Variants in SGMS2 observed in about 807,000 individuals in gnomAD.
SGMS2 encodes the protein sphingomyelin synthase 2, also known as phosphatidylcholine:ceramide cholinephosphotransferase 2.
A neutral mutation model predicts 43.8 loss-of-function variants in SGMS2; 21 were observed. The ratio of observed to expected loss-of-function variants is 0.48; its 90% CI spans 0.34 to 0.69. The LOEUF is 0.69. SGMS2 is among the 30% of genes least tolerant of loss of function. The pLI, the probability that SGMS2 is intolerant of heterozygous loss-of-function variation, is 0.01. For missense variants in SGMS2, 384 were observed against 443.2 expected, an observed-to-expected ratio of 0.87 and a Z score of 1.20; for synonymous variants, 167 against 160.6, an observed-to-expected ratio of 1.04 and a Z score of -0.30.
At chr4:107,851,353 T>G (rs1727133751) in intron 1 of SGMS2, among the ~76,000 whole-genome samples, 2 of 152,164 alleles carry the variant, frequency 1.3e-5, no homozygotes, top group Non-Finnish European at 2.9e-5. Flanking sequence ...TTAGAAATCT[T>G]AAGAACAAGG....
chr4:107,903,595 A>G (rs1348296953), intron 5 of SGMS2, among the ~76,000 whole-genome samples: 1 of 152,122 alleles, frequency 6.6e-6, no homozygotes, highest in African/African-American at 2.4e-5. Context: ...GTCATATGTG[A>G]TTTGAACCCT....
At position 107,910,761 on chromosome 4, in the gene SGMS2, C is replaced by T. The variant is rs775834154; in HGVS notation, c.*208C>T. 7 of 533,928 alleles carry T rather than the reference C, an allele frequency of 1.3e-5. No individual in the cohort carries two copies. Among genetic ancestry groups the T allele is most frequent in the African/African-American group, 1.9e-5 (1 of 52,344 alleles). 33.1% of individuals were successfully genotyped at this position (533,928 alleles called of 1,614,324 possible). ...AAAGATACATTCTCTTGCAGCTCTT[C>T]ATTCATTGGTGACAAGCCCCCACCC... On this transcript the variant is annotated 3_prime_UTR_variant, in exon 7 of 7. Coordinates refer to ENST00000690982, the MANE Select transcript of SGMS2 (RefSeq NM_001375905.1).
chr4:107,849,707 T>C (rs1727031096), intron 1 of SGMS2, among the ~76,000 whole-genome samples: 1 of 152,204 alleles, frequency 6.6e-6, no homozygotes, highest in African/African-American at 2.4e-5. Context: ...CCAGATCTCC[T>C]AATTGTAATA....
chr4:107,908,503 A>G, intron 5 of SGMS2, 62 bp from the exon 6 acceptor site: 2 of 1,514,548 alleles, frequency 1.3e-6, no homozygotes, highest in Non-Finnish European at 1.8e-6. Flanking sequence ...GTTAGGACAG[A>G]CTGTAATCAT....
intron 1 of SGMS2, among the ~76,000 whole-genome samples, chr4:107,855,154 C>T (rs1470532420): frequency 6.6e-6 from 1 of 152,072 alleles, no homozygotes; most frequent in African/African-American, 2.4e-5. Flanking sequence ...GGTGCTGTTT[C>T]TGATGTCTTT....
At chr4:107,865,761 T>A (rs1728064754) in intron 2 of SGMS2, among the ~76,000 whole-genome samples, 1 of 152,182 alleles carries the variant, frequency 6.6e-6, no homozygotes, top group Non-Finnish European at 1.5e-5. Context: ...AGCTCTTCAT[T>A]AAGATCTTAT....
intron 1 of SGMS2, among the ~76,000 whole-genome samples, chr4:107,855,407 T>C (rs11946132): frequency 6.6e-6 from 1 of 152,196 alleles, no homozygotes; most frequent in African/African-American, 2.4e-5. Context: ...TTCATTTATT[T>C]TGAGAAATGT....
chr4:107,834,022 A>G (rs1188912536), intron 1 of SGMS2, among the ~76,000 whole-genome samples: 4 of 152,220 alleles, frequency 2.6e-5, no homozygotes, highest in Non-Finnish European at 5.9e-5. Flanking sequence ...TGACACTGTG[A>G]TGTTTAGCTC....
chr4:107,860,243 G>A (rs1727649574), intron 2 of SGMS2, among the ~76,000 whole-genome samples: 1 of 151,910 alleles, frequency 6.6e-6, no homozygotes, highest in African/African-American at 2.4e-5. Context: ...GACTTAATAA[G>A]CTAGTACTAA....
intron 1 of SGMS2, among the ~76,000 whole-genome samples, chr4:107,856,244 C>T (rs908980859): frequency 2.0e-5 from 3 of 152,152 alleles, no homozygotes; most frequent in Non-Finnish European, 4.4e-5. Context: ...TAAAATAAAT[C>T]ATGAACTTAT....
chr4:107,860,082 C>T (rs1302511166), intron 2 of SGMS2, among the ~76,000 whole-genome samples: 1 of 151,982 alleles, frequency 6.6e-6, no homozygotes, highest in Non-Finnish European at 1.5e-5. Context: ...TCCTCTCAGC[C>T]TCTGTCAATG....
At chr4:107,851,270 A>C (rs1727126394) in intron 1 of SGMS2, among the ~76,000 whole-genome samples, 1 of 152,216 alleles carries the variant, frequency 6.6e-6, no homozygotes, top group African/African-American at 2.4e-5. Flanking sequence ...CAAATCATTC[A>C]TCTTTCAAAC....
chr4:107,902,289 C>CAAAAAAAAAAAAAAAA (rs34388036), intron 4 of SGMS2, among the ~76,000 whole-genome samples: 4 of 124,542 alleles, frequency 3.2e-5, no homozygotes, highest in African/African-American at 1.0e-4. Flanking sequence ...GACCCTGTCT[C>CAAAAAAAAAAAAAAAA]AAAAAAAAAA....
intron 2 of SGMS2, among the ~76,000 whole-genome samples, chr4:107,883,468 T>C (rs6851694): frequency 0.71 from 108,097 of 152,084 alleles, 39,195 homozygotes; most frequent in African/African-American, 0.84. Flanking sequence ...GCGTGTGCCA[T>C]CACGCCCAGC....
chr4:107,873,630 A>G (rs1486483391), intron 2 of SGMS2, among the ~76,000 whole-genome samples: 1 of 152,078 alleles, frequency 6.6e-6, no homozygotes. Flanking sequence ...GCATACAATA[A>G]TGAACTGTTC....
chr4:107,891,035 G>T (rs1431360079), intron 2 of SGMS2, among the ~76,000 whole-genome samples: 3 of 151,996 alleles, frequency 2.0e-5, no homozygotes, highest in Non-Finnish European at 4.4e-5. Flanking sequence ...CTAGCAAAAA[G>T]GTGGCTTTGT....
At chr4:107,886,361 C>A (rs1729749586) in intron 2 of SGMS2, among the ~76,000 whole-genome samples, 2 of 119,092 alleles carry the variant, frequency 1.7e-5, no homozygotes. Flanking sequence ...CCACACCCAG[C>A]TAATTTTTTT....
chr4:107,908,630 T>G lies in SGMS2; in HGVS notation c.793T>G (p.Cys265Gly). The change falls in exon 6 of 7, where the codon TGC becomes GGC. Residue 265 changes from cysteine (C) to glycine (G), a missense_variant. Coordinates refer to ENST00000690982, the MANE Select transcript of SGMS2 (RefSeq NM_001375905.1). ...GCTGCTGAGTGCTGCCGGGATCATC[T>G]GCATTCTTGTAGCACACGAACACTA... ...CWLLSAAGII[C>G]ILVAHEHYTI... 6.2e-7 allele frequency: 1 copy of G among 1,614,142 alleles called. No homozygotes were observed. Among genetic ancestry groups the G allele is most frequent in the Non-Finnish European group, 8.5e-7 (1 of 1,179,980 alleles).
intron 2 of SGMS2, among the ~76,000 whole-genome samples, chr4:107,885,713 A>G (rs1455513491): frequency 2.0e-5 from 3 of 152,220 alleles, no homozygotes; most frequent in Admixed American, 6.5e-5. Flanking sequence ...AAGAATATAT[A>G]TGTGAAAATA....
Sources: gnomAD v4.1 joint callset for allele counts (sites outside exome capture counted in the v4.1 genomes callset) on GRCh38, gnomAD v4.1.1 for gene constraint, MANE v1.5 for transcripts, NCBI Gene and HGNC (gene_info 2026-07-23, HGNC 2026-07-21) for gene names.